The following DAB1 variants were observed in gnomAD, a reference collection of about 807,000 sequenced individuals.
The protein encoded by DAB1 is disabled homolog 1.
Under a neutral mutation model 64.6 loss-of-function variants are expected in DAB1, and 15 were observed. That is an observed-to-expected ratio of 0.23 (90% CI 0.16 to 0.36). DAB1 has a LOEUF of 0.36. DAB1 is among the 10% of genes least tolerant of loss of function. The pLI is 1.00. For synonymous variants in DAB1, 235 were observed against 251.9 expected, an observed-to-expected ratio of 0.93 and a Z score of 0.64; for missense variants, 596 against 706.7, an observed-to-expected ratio of 0.84 and a Z score of 1.78.
intron 6 of DAB1, among the ~76,000 whole-genome samples, chr1:57,715,711 A>G (rs1342623012): frequency 6.6e-6 from 1 of 152,194 alleles, no homozygotes; most frequent in African/African-American, 2.4e-5. Flanking sequence ...AAATACCTAG[A>G]AATAATTTAG....
chr1:58,118,775 C>A (rs1236989752), intron 5 of DAB1, among the ~76,000 whole-genome samples: 1 of 151,056 alleles, frequency 6.6e-6, no homozygotes, highest in Non-Finnish European at 1.5e-5. Context: ...AACTGAGGCA[C>A]CAACAGGTAA....
At chr1:57,397,259 C>A (rs115352073) in intron 1 of DAB1, among the ~76,000 whole-genome samples, 7 of 152,144 alleles carry the variant, frequency 4.6e-5, no homozygotes, top group Admixed American at 1.3e-4. Context: ...CAGAAAAATT[C>A]TAATTCCCAT....
At chr1:57,442,039 A>T (rs1156854384) in intron 7 of DAB1, among the ~76,000 whole-genome samples, 1 of 152,158 alleles carries the variant, frequency 6.6e-6, no homozygotes, top group Non-Finnish European at 1.5e-5. Flanking sequence ...ATGATTAGTG[A>T]TGAGCGTTTT....
chr1:57,269,878 T>A (rs1455622526), intron 2 of DAB1, among the ~76,000 whole-genome samples: 3 of 152,156 alleles, frequency 2.0e-5, no homozygotes, highest in African/African-American at 7.2e-5. Context: ...TCATTTCCTG[T>A]GACTGAGACA....
intron 1 of DAB1, among the ~76,000 whole-genome samples, chr1:57,407,996 T>C (rs1385035569): frequency 1.3e-5 from 2 of 152,184 alleles, no homozygotes; most frequent in Non-Finnish European, 2.9e-5. Context: ...TAAATGGTTC[T>C]GACTCCACTA....
At chr1:57,464,042 T>C (rs1414351191) in intron 7 of DAB1, among the ~76,000 whole-genome samples, 1 of 152,190 alleles carries the variant, frequency 6.6e-6, no homozygotes, top group Non-Finnish European at 1.5e-5. Context: ...TTAATCTTGA[T>C]TTTTTTCTTC....
chr1:57,876,727 CT>C (rs566390180), intron 1 of DAB1: 37 of 152,166 alleles, frequency 2.4e-4, no homozygotes, highest in African/African-American at 8.9e-4. Flanking sequence ...CACGTTTCTC[CT>C]AGTTGACATG....
At chr1:57,860,636 A>T (rs1351564043) in intron 1 of DAB1, 1 of 152,224 alleles carries the variant, frequency 6.6e-6, no homozygotes, top group Admixed American at 6.5e-5. Flanking sequence ...CTTGCAGAAG[A>T]ACAGGCCTAG....
At chr1:57,052,767 A>G (rs17451933) in intron 9 of DAB1, among the ~76,000 whole-genome samples, 5 of 152,130 alleles carry the variant, frequency 3.3e-5, no homozygotes, top group African/African-American at 9.7e-5. Flanking sequence ...ATATAGGAAT[A>G]CCTTATAGAA....
intron 5 of DAB1, among the ~76,000 whole-genome samples, chr1:58,148,204 C>A (rs1001090866): frequency 6.6e-6 from 1 of 152,174 alleles, no homozygotes; most frequent in Non-Finnish European, 1.5e-5. Context: ...GCCACACATG[C>A]CTTAGTCCAA....
At chr1:58,366,301 T>C (rs1644216872) in intron 3 of DAB1, among the ~76,000 whole-genome samples, 1 of 152,182 alleles carries the variant, frequency 6.6e-6, no homozygotes, top group African/African-American at 2.4e-5. Context: ...TCCATCATCA[T>C]GCCAGGTCAC....
chr1:57,479,980 C>A (rs1339453799), intron 7 of DAB1, among the ~76,000 whole-genome samples: 1 of 151,588 alleles, frequency 6.6e-6, no homozygotes, highest in Non-Finnish European at 1.5e-5. Context: ...GGTGAAACCC[C>A]GTCTCTACTA....
At chr1:57,638,969 G>A (rs1345147988) in intron 7 of DAB1, among the ~76,000 whole-genome samples, 1 of 147,240 alleles carries the variant, frequency 6.8e-6, no homozygotes, top group Non-Finnish European at 1.5e-5. Context: ...ACTTTATAAA[G>A]TTCTTCATAA....
chr1:57,300,419 CA>C (rs1156692658), intron 1 of DAB1, among the ~76,000 whole-genome samples: 1 of 152,146 alleles, frequency 6.6e-6, no homozygotes, highest in East Asian at 1.9e-4. Context: ...GCAGAGTTAA[CA>C]GGGGGGATGC....
chr1:57,644,234 G>C (rs1646165351), intron 7 of DAB1, among the ~76,000 whole-genome samples: 1 of 152,210 alleles, frequency 6.6e-6, no homozygotes. Flanking sequence ...AAACTAGACA[G>C]AATGAACTGG....
At chr1:57,431,143 C>CAAAAAAAAAAAAAAAAAAAAAAAAA (rs77701798) in intron 7 of DAB1, among the ~76,000 whole-genome samples, 4 of 96,418 alleles carry the variant, frequency 4.1e-5, no homozygotes, top group Non-Finnish European at 6.7e-5. Flanking sequence ...AGGCCAAAAA[C>CAAAAAAAAAAAAAAAAAAAAAAAAA]AAAAAAAAAA....
chr1:57,784,855 A>C (rs1270468717), intron 6 of DAB1, among the ~76,000 whole-genome samples: 1 of 152,234 alleles, frequency 6.6e-6, no homozygotes, highest in African/African-American at 2.4e-5. Flanking sequence ...AAGTGGCTAC[A>C]CTAAACCACA....
intron 6 of DAB1, among the ~76,000 whole-genome samples, chr1:57,691,347 C>T (rs1646761965): frequency 6.6e-6 from 1 of 152,076 alleles, no homozygotes; most frequent in African/African-American, 2.4e-5. Flanking sequence ...GTAAACACAC[C>T]AAGCAGCACT....
Position 57,061,708 on chromosome 1 carries a change from G to A in DAB1, c.723+1176C>T, listed in dbSNP as rs75626226. 7.9e-5 allele frequency among the ~76,000 whole-genome samples: 12 copies of A among 152,260 alleles called. No individual in the cohort carries two copies. The East Asian group carries it at 2.3e-3, about 29-fold the overall frequency. The stretch of plus-strand genomic sequence containing the variant: ...CATATCTATGTATTCTTTTATCCAG[G>A]CCAAACATTTCTGTGTCCTTCAGCT... On this transcript the variant is annotated intron_variant, in intron 9 of 14. Coordinates refer to ENST00000371236, the MANE Select transcript of DAB1 (RefSeq NM_001365792.1).
Sources: allele counts gnomAD v4.1 joint callset (sites outside exome capture counted in the v4.1 genomes callset), GRCh38; gene constraint gnomAD v4.1.1; transcripts MANE v1.5; gene names NCBI Gene and HGNC (gene_info 2026-07-23, HGNC 2026-07-21).